The following BBX variants were observed in gnomAD, a reference collection of about 807,000 sequenced individuals.
BBX encodes the protein BBX high mobility group box domain containing.
A neutral mutation model predicts 100.2 loss-of-function variants in BBX; 30 were observed. The observed-to-expected ratio is 0.30, with a 90% confidence interval of 0.22 to 0.41. BBX has a LOEUF of 0.41. BBX is among the 10% of genes least tolerant of loss of function. The pLI is 1.00. For missense variants in BBX, 1,023 were observed against 1,129.8 expected (o/e 0.91, Z 1.35); for synonymous variants, 376 against 388.1 (o/e 0.97, Z 0.37).
chr3:107,692,529 A>C (rs1001021215), intron 3 of BBX, among the ~76,000 whole-genome samples: 10 of 152,120 alleles, frequency 6.6e-5, no homozygotes, highest in Admixed American at 4.6e-4. Context: ...TGAACTCATC[A>C]TTTTTTATGG....
Position 107,799,128 on chromosome 3 carries a change from C to T in BBX, c.2551+408C>T, listed in dbSNP as rs144661858. ...TCGCGCCACTGCACTCCAGCCTGGG[C>T]GACAGAGTGAGACTCTGTCTCAAAA... On this transcript the variant is annotated intron_variant, in intron 16 of 17. Coordinates refer to ENST00000325805, the MANE Select transcript of BBX (RefSeq NM_001142568.3). 1.1e-3 allele frequency among the ~76,000 whole-genome samples: 163 copies of T among 150,976 alleles called. 5 individuals are homozygous for T. In the East Asian group the frequency reaches 0.029, roughly 27 times the overall value.
At chr3:107,624,416 C>T (rs1450067822) in intron 2 of BBX, among the ~76,000 whole-genome samples, 2 of 151,890 alleles carry the variant, frequency 1.3e-5, no homozygotes, top group Admixed American at 6.6e-5. Context: ...GGCTAATAAA[C>T]ATCATATTTA....
At chr3:107,590,453 T>C (rs181090654) in intron 2 of BBX, among the ~76,000 whole-genome samples, 2 of 152,326 alleles carry the variant, frequency 1.3e-5, no homozygotes, top group Admixed American at 1.3e-4. Flanking sequence ...GTCACCCTAT[T>C]GTGCTTTCGA....
intron 2 of BBX, among the ~76,000 whole-genome samples, chr3:107,632,923 C>T (rs1432155223): frequency 6.6e-6 from 1 of 152,112 alleles, no homozygotes; most frequent in Admixed American, 6.5e-5. Flanking sequence ...GTAGTCTGTT[C>T]TTTCGGGATG....
chr3:107,624,545 A>G (rs187473201), intron 2 of BBX, among the ~76,000 whole-genome samples: 52 of 152,324 alleles, frequency 3.4e-4, no homozygotes, highest in Admixed American at 8.5e-4. Flanking sequence ...TAATAGAATT[A>G]TCATGCAATG....
At chr3:107,674,448 G>T (rs1313579856) in intron 3 of BBX, among the ~76,000 whole-genome samples, 3 of 152,082 alleles carry the variant, frequency 2.0e-5, no homozygotes, top group Non-Finnish European at 4.4e-5. Flanking sequence ...GGAAGTTTTA[G>T]ACTAGAAACC....
intron 2 of BBX, among the ~76,000 whole-genome samples, chr3:107,544,860 GAAAAA>G (rs924451643): frequency 1.5e-5 from 2 of 132,410 alleles, no homozygotes; most frequent in African/African-American, 5.5e-5. Context: ...AAAAAAAAAA[GAAAAA>G]AAGTAGCCGG....
chr3:107,565,473 TTATTTATG>T lies in BBX; in HGVS notation c.-84+39079_-84+39086del, dbSNP rs770047626. On this transcript the variant is annotated intron_variant, in intron 2 of 17. Transcript: ENST00000325805. ...TTTATTTATTTATTTATTTATTTAT[TTATTTATG>T]TATGTTTGAGACGGAGTCTCACTCT... Among the ~76,000 whole-genome samples, 681 of 149,444 alleles carry T rather than the reference TTATTTATG, an allele frequency of 4.6e-3. 4 individuals carry two copies. The highest frequency in any genetic ancestry group is 0.024 in the Middle Eastern group (7 of 286).
chr3:107,610,317 G>T (rs1378154548), intron 2 of BBX, among the ~76,000 whole-genome samples: 1 of 152,076 alleles, frequency 6.6e-6, no homozygotes, highest in African/African-American at 2.4e-5. Context: ...CTAAGGAGAA[G>T]AATGTGTATT....
intron 2 of BBX, among the ~76,000 whole-genome samples, chr3:107,634,266 A>G (rs1332932505): frequency 6.6e-6 from 1 of 152,234 alleles, no homozygotes; most frequent in African/African-American, 2.4e-5. Context: ...GTTAGTATGC[A>G]TTGAGTTCTC....
At chr3:107,748,291 T>C (rs1010586900) in intron 9 of BBX, among the ~76,000 whole-genome samples, 1 of 152,250 alleles carries the variant, frequency 6.6e-6, no homozygotes, top group Non-Finnish European at 1.5e-5. Flanking sequence ...AATGTGTTTA[T>C]TTCATTTTAT....
chr3:107,532,003 G>T (rs1389679235), intron 2 of BBX, among the ~76,000 whole-genome samples: 1 of 152,014 alleles, frequency 6.6e-6, no homozygotes, highest in Non-Finnish European at 1.5e-5. Flanking sequence ...GACTAGCCCG[G>T]GCAACATAGT....
chr3:107,548,224 T>C (rs1373516224), intron 2 of BBX, among the ~76,000 whole-genome samples: 1 of 152,220 alleles, frequency 6.6e-6, no homozygotes, highest in African/African-American at 2.4e-5. Flanking sequence ...AGGAAAATAA[T>C]AGTTACCTTT....
chr3:107,592,569 A>G (rs571131511), intron 2 of BBX, among the ~76,000 whole-genome samples: 2 of 152,232 alleles, frequency 1.3e-5, no homozygotes, highest in Non-Finnish European at 2.9e-5. Flanking sequence ...AGATCTTTGC[A>G]TAGAACCTAA....
intron 15 of BBX, among the ~76,000 whole-genome samples, chr3:107,798,249 C>T (rs533922239): frequency 1.3e-5 from 2 of 152,232 alleles, no homozygotes; most frequent in South Asian, 2.1e-4. Flanking sequence ...CCTAAATTAT[C>T]GTCCCCACCA....
chr3:107,692,199 T>TTTATTTATTTA (rs1384495879), intron 3 of BBX, among the ~76,000 whole-genome samples: 2 of 150,246 alleles, frequency 1.3e-5, no homozygotes, highest in African/African-American at 2.4e-5. Context: ...TATTTATTTA[T>TTTATTTATTTA]TTATTATTAT....
chr3:107,783,164 T>A (rs555040016), intron 13 of BBX, among the ~76,000 whole-genome samples: 41 of 152,246 alleles, frequency 2.7e-4, no homozygotes, highest in Non-Finnish European at 5.0e-4. Context: ...AGAAATCAAA[T>A]TTTTCACTTC....
At chr3:107,588,845 A>G (rs1190356440) in intron 2 of BBX, among the ~76,000 whole-genome samples, 4 of 152,266 alleles carry the variant, frequency 2.6e-5, no homozygotes, top group African/African-American at 7.2e-5. Context: ...GGAATAAAAA[A>G]TATCAATAGT....
At chr3:107,706,318 C>T (rs755964629) in intron 3 of BBX, among the ~76,000 whole-genome samples, 2 of 152,038 alleles carry the variant, frequency 1.3e-5, no homozygotes, top group African/African-American at 4.8e-5. Flanking sequence ...CCACCACGCC[C>T]GGTTTGGCTT....
Sources: gnomAD v4.1 joint callset for allele counts (sites outside exome capture counted in the v4.1 genomes callset) on GRCh38, gnomAD v4.1.1 for gene constraint, MANE v1.5 for transcripts, NCBI Gene and HGNC (gene_info 2026-07-23, HGNC 2026-07-21) for gene names.